GUK1: variants seen among roughly 807,000 people sequenced by gnomAD.
GUK1 encodes guanylate kinase 1.
GUK1 carries 18 observed loss-of-function variants against 25.2 expected under a neutral mutation model. The observed-to-expected ratio is 0.71, with a 90% CI of 0.49 to 1.06. The LOEUF (loss-of-function observed/expected upper bound fraction) is 1.06. Among genes scored for constraint, GUK1 ranks in the 50% least tolerant of loss-of-function variants. The pLI, the probability that GUK1 is intolerant of heterozygous loss-of-function variation, is 0.00. For synonymous variants in GUK1, 105 were observed against 117.6 expected, an observed-to-expected ratio of 0.89 and a Z score of 0.69; for missense variants, 261 against 276.7, an observed-to-expected ratio of 0.94 and a Z score of 0.40.
intron 4 of GUK1, chr1:228,146,549 C>T: frequency 2.0e-6 from 1 of 496,416 alleles, no homozygotes; most frequent in Non-Finnish European, 3.7e-6. Flanking sequence ...CCACCTTCCC[C>T]CAGAACCTGT....
chr1:228,146,299 C>T, intron 4 of GUK1: 1 of 555,722 alleles, frequency 1.8e-6, no homozygotes, highest in African/African-American at 1.9e-5. Flanking sequence ...GGGCTGTCTT[C>T]CTCCCACCTT....
rs779822262 is a variant in GUK1, at chr1:228,146,828, C to G, written c.155-14C>G. 14 of 1,584,724 alleles carry G rather than the reference C, an allele frequency of 8.8e-6. No individual in the cohort carries two copies. The highest frequency in any genetic ancestry group is 1.2e-5 in the Non-Finnish European group (14 of 1,153,348). On this transcript the variant is annotated splice_polypyrimidine_tract_variant and intron_variant, in intron 4 of 8. Coordinates refer to ENST00000312726, the MANE Select transcript of GUK1 (RefSeq NM_000858.7). ...GTCCAGTCTGCCCTCTGGATGGCCC[C>G]TCCTCTTCCCCAGATTACTACTTTG...
chr1:228,147,772 C>T (rs1315237707), intron 7 of GUK1, 73 bp downstream of exon 6: 2 of 1,334,716 alleles, frequency 1.5e-6, no homozygotes, highest in African/African-American at 2.9e-5. Flanking sequence ...GCACCAGGGA[C>T]CCTGTGGGTC....
intron 3 of GUK1, 33 bp downstream of exon 2, chr1:228,145,657 G>C (rs2034327126): frequency 6.2e-7 from 1 of 1,604,174 alleles, no homozygotes; most frequent in Admixed American, 1.7e-5. Flanking sequence ...GGGGTGCGTA[G>C]ACCTCAAGGC....
chr1:228,143,345 G>T (rs953617028), intron 2 of GUK1, among the ~76,000 whole-genome samples: 1 of 152,182 alleles, frequency 6.6e-6, no homozygotes, highest in Admixed American at 6.5e-5. Flanking sequence ...CCAGCCCACA[G>T]GACCATTTGA....
chr1:228,142,434 A>T (rs1160340569), intron 2 of GUK1, among the ~76,000 whole-genome samples: 2 of 151,988 alleles, frequency 1.3e-5, no homozygotes, highest in Admixed American at 6.5e-5. Flanking sequence ...CAGCTGGGTG[A>T]ACTGGTGTCT....
chr1:228,148,116 C>A, intron 7 of GUK1: 1 of 606,830 alleles, frequency 1.6e-6, no homozygotes, highest in Non-Finnish European at 3.0e-6. Flanking sequence ...TAGTGTAGCC[C>A]CTAACCAGAG....
In GUK1 at chr1:228,147,556, G is replaced by A. The variant is rs2034452241; in HGVS notation, c.390+12G>A. 6.2e-7 allele frequency: 1 copy of A among 1,613,080 alleles called. No individual in the cohort carries two copies. Among genetic ancestry groups the A allele is most frequent in the South Asian group, 1.1e-5 (1 of 91,078 alleles). Reference sequence around the variant, plus strand: ...CACTGCACGTGCTGGTGTGTGCTGGGCAGGGTTGGGGGCTGGGGGCCAGGG... The same window carrying A: ...CACTGCACGTGCTGGTGTGTGCTGGACAGGGTTGGGGGCTGGGGGCCAGGG... On this transcript the variant is annotated intron_variant, in intron 6 of 8. Coordinates refer to ENST00000312726, the MANE Select transcript of GUK1 (RefSeq NM_000858.7).
At chr1:228,141,964 G>A (rs2034082261) in intron 2 of GUK1, 1 of 257,390 alleles carries the variant, frequency 3.9e-6, no homozygotes, top group Non-Finnish European at 7.1e-6. Context: ...CACCTTTGGC[G>A]CATGTGTTCT....
At chr1:228,145,759 C>A in intron 3 of GUK1, 135 bp downstream of exon 2, 1 of 1,062,560 alleles carries the variant, frequency 9.4e-7, no homozygotes. Flanking sequence ...TGCACACTCC[C>A]CCCCACACAG....
chr1:228,148,618 C>A, intron 8 of GUK1, 47 bp from the exon 8 acceptor site: 1 of 1,543,330 alleles, frequency 6.5e-7, no homozygotes, highest in Non-Finnish European at 8.9e-7. Flanking sequence ...AAGCCCAGCC[C>A]TTCCTGGATA....
chr1:228,144,556 C>G (rs1244444401), intron 2 of GUK1: 1 of 174,162 alleles, frequency 5.7e-6, no homozygotes, highest in African/African-American at 2.4e-5. Context: ...TTCCTTCCTG[C>G]ACAGCCGCAG....
Position 228,147,631 on chromosome 1 carries a change from A to C in GUK1, c.407A>C (p.Gln136Pro). ...CCTTTTTAGGAGCAGCGGCTGCGGC[A>C]GCGCAACACTGAAACCGAGGAGAGC... The change falls in exon 7 of 9, where the codon CAG becomes CCG. Residue 136 changes from glutamine (Q) to proline (P), a missense_variant. Transcript: ENST00000312726. 1 of 1,613,028 alleles carries C rather than the reference A, an allele frequency of 6.2e-7. No individual in the cohort carries two copies. Among genetic ancestry groups the C allele is most frequent in the Non-Finnish European group, 8.5e-7 (1 of 1,179,958 alleles).
intron 2 of GUK1, chr1:228,144,485 C>T (rs2034256019): frequency 2.0e-5 from 3 of 152,456 alleles, no homozygotes; most frequent in Admixed American, 6.5e-5. Flanking sequence ...GTGTGTGCAG[C>T]TCATGTGGAC....
chr1:228,147,570 T>TGGGGGCC, intron 6 of GUK1, 26 bp downstream of exon 5: 1 of 1,612,954 alleles, frequency 6.2e-7, no homozygotes, highest in Non-Finnish European at 8.5e-7. Context: ...GGTTGGGGGC[T>TGGGGGCC]GGGGGCCAGG....
rs556462695 is a variant in GUK1 at position 228,148,522 on chromosome 1, G to A, written c.561+66G>A. The stretch of plus-strand genomic sequence containing the variant: ...GAGGCCTGGGGGCCAGGCCTTTGTT[G>A]TCCATGAGGCCACTGAGGTTAGATG... On this transcript the variant is annotated intron_variant, in intron 8 of 8. Transcript: ENST00000312726. 70 of 1,414,870 alleles carry A rather than the reference G, an allele frequency of 4.9e-5. No individual in the cohort carries two copies. The South Asian group carries it at 8.5e-4, about 17-fold the overall frequency. The allele number at this position is 1,414,870 out of a possible 1,614,324, so 87.6% of individuals were successfully genotyped here. A position where few individuals can be genotyped will look rare whatever the true frequency, so the allele number is the denominator to read the frequency against.
At chr1:228,148,342 T>C (rs765499716) in intron 7 of GUK1, 29 bp from the exon 7 acceptor site, 13 of 1,510,788 alleles carry the variant, frequency 8.6e-6, no homozygotes, top group Admixed American at 1.7e-5. Flanking sequence ...ATGGGCTCAC[T>C]GTGCCCTGAC....
intron 7 of GUK1, 89 bp downstream of exon 6, chr1:228,147,788 A>ACCT (rs1050036360): frequency 9.4e-7 from 1 of 1,059,072 alleles, no homozygotes; most frequent in African/African-American, 1.6e-5. Flanking sequence ...GGGTCCCCAG[A>ACCT]CCTCCTGACA....
chr1:228,146,215 C>T, intron 4 of GUK1, 148 bp downstream of exon 3: 3 of 626,250 alleles, frequency 4.8e-6, no homozygotes, highest in Non-Finnish European at 8.7e-6. Context: ...GGCCGGTGAA[C>T]TCAATCAGGG....
Sources: allele counts gnomAD v4.1 joint callset (sites outside exome capture counted in the v4.1 genomes callset), GRCh38; gene constraint gnomAD v4.1.1; transcripts MANE v1.5; gene names NCBI Gene and HGNC (gene_info 2026-07-23, HGNC 2026-07-21).